Variants in RAD17 observed in about 807,000 individuals in gnomAD.
RAD17 encodes RAD17 checkpoint clamp loader component.
RAD17 carries 31 observed loss-of-function variants against 81.5 expected under a neutral mutation model. The ratio of observed to expected loss-of-function variants is 0.38; its 90% CI spans 0.29 to 0.51. The LOEUF is 0.51. Among genes scored for constraint, RAD17 ranks in the 20% least tolerant of loss-of-function variants. The pLI, the probability that RAD17 is intolerant of heterozygous loss-of-function variation, is 0.88. For synonymous variants in RAD17, 261 were observed against 266.2 expected (o/e 0.98, Z 0.19); for missense variants, 681 against 781.2 (o/e 0.87, Z 1.53).
intron 17 of RAD17, among the ~76,000 whole-genome samples, chr5:69,402,837 A>T (rs1765360585): frequency 6.6e-6 from 1 of 152,124 alleles, no homozygotes; most frequent in South Asian, 2.1e-4. Context: ...AGTAAATTGC[A>T]GGCATGATAT....
intron 5 of RAD17, 37 bp downstream of exon 5, chr5:69,374,124 A>T: frequency 6.4e-7 from 1 of 1,556,206 alleles, no homozygotes. Context: ...ACATAATTTA[A>T]TTTCAGGGTG....
chr5:69,381,858 C>G, intron 6 of RAD17, 43 bp from the exon 7 acceptor site: 1 of 1,351,398 alleles, frequency 7.4e-7, no homozygotes, highest in Non-Finnish European at 1.0e-6. Flanking sequence ...TTCTAGCATT[C>G]CAGTGATTTT....
At chr5:69,391,390 GA>G (rs1764549716) in intron 12 of RAD17, among the ~76,000 whole-genome samples, 1 of 152,162 alleles carries the variant, frequency 6.6e-6, no homozygotes, top group African/African-American at 2.4e-5. Context: ...TTTGGGAATA[GA>G]AGGATTGCAG....
At chr5:69,377,437 GTGTATATATATATA>G (rs1388185059) in intron 6 of RAD17, among the ~76,000 whole-genome samples, 518 of 25,756 alleles carry the variant, frequency 0.02, 9 homozygotes, top group Admixed American at 0.036. Flanking sequence ...GTGTGTGTGT[GTGTATATATATATA>G]TATATATATA....
Position 69,414,546 on chromosome 5 carries a change from A to T in RAD17, c.*254A>T. 1.9e-6 allele frequency: 1 copy of T among 535,902 alleles called. No homozygotes were observed. Among genetic ancestry groups the T allele is most frequent in the East Asian group, 3.1e-5 (1 of 31,882 alleles). 33.2% of individuals were successfully genotyped at this position (535,902 alleles called of 1,614,324 possible). On this transcript the variant is annotated 3_prime_UTR_variant, in exon 19 of 19. Coordinates refer to ENST00000354868, the MANE Select transcript of RAD17 (RefSeq NM_133338.3). ...GGTTTAAGGAGCGGTCAGTGTGTAT[A>T]AAGTGTGTTTGAACATTATGCCAAA...
intron 18 of RAD17, among the ~76,000 whole-genome samples, chr5:69,412,471 A>G (rs2150897787): frequency 6.6e-6 from 1 of 152,244 alleles, no homozygotes; most frequent in Non-Finnish European, 1.5e-5. Context: ...AGCCTTATAG[A>G]TAAGTCATCA....
At position 69,414,074 on chromosome 5, in the gene RAD17, G is replaced by C; in HGVS notation, c.1795G>C (p.Asp599His). The C allele has an allele frequency of 1.2e-6, 2 of 1,614,200 alleles. No individual in the cohort carries two copies. The highest frequency in any genetic ancestry group is 1.1e-5 in the South Asian group (1 of 91,088). Reference sequence around the variant, plus strand: ...GACTGACAGGGAACATGGAATGATAGACCCTGACAGCGGAGATGAAGCCCA... The same window carrying C: ...GACTGACAGGGAACATGGAATGATACACCCTGACAGCGGAGATGAAGCCCA... Reference protein sequence around the residue: ...ALTDREHGMIDPDSGDEAQLN... With the variant: ...ALTDREHGMIHPDSGDEAQLN... The change falls in exon 19 of 19, where the codon GAC becomes CAC. Residue 599 changes from aspartate to histidine, a missense_variant. Coordinates refer to ENST00000354868, the MANE Select transcript of RAD17 (RefSeq NM_133338.3).
intron 11 of RAD17, 56 bp downstream of exon 11, chr5:69,386,521 T>A (rs1458046213): frequency 1.4e-6 from 2 of 1,455,092 alleles, no homozygotes; most frequent in Non-Finnish European, 1.8e-6. Context: ...CTAGCTTAAA[T>A]AGTATTATGT....
intron 6 of RAD17, among the ~76,000 whole-genome samples, chr5:69,379,344 G>GT (rs953887282): frequency 6.6e-6 from 1 of 152,294 alleles, no homozygotes; most frequent in African/African-American, 2.4e-5. Context: ...CTGGAAAATG[G>GT]TTAAGTCAGT....
rs757709055 is a variant in RAD17 at position 69,374,028 on chromosome 5, T to C, written c.208T>C (p.Ser70Pro). The C allele has an allele frequency of 1.4e-5, 22 of 1,611,040 alleles. No individual in the cohort carries two copies. Among genetic ancestry groups the C allele is most frequent in the Non-Finnish European group, 1.9e-5 (22 of 1,178,118 alleles). Reference protein sequence around the residue: ...SLEQIYGLENSKEYLSENEPW... With the variant: ...SLEQIYGLENPKEYLSENEPW... The stretch of plus-strand genomic sequence containing the variant: ...AGAACAGATTTATGGTTTAGAAAAT[T>C]CAAAAGAATATCTGTCTGAAAATGA... The change falls in exon 5 of 19, where the codon TCA becomes CCA. Residue 70 changes from serine to proline, a missense_variant. By Grantham distance (74) the Ser-to-Pro change is moderately conservative (BLOSUM62 -1). Coordinates refer to ENST00000354868, the MANE Select transcript of RAD17 (RefSeq NM_133338.3).
intron 5 of RAD17, 54 bp from the exon 6 acceptor site, chr5:69,374,574 C>T: frequency 3.7e-6 from 5 of 1,351,400 alleles, no homozygotes; most frequent in Non-Finnish European, 4.2e-6. Flanking sequence ...TGCTGATGTA[C>T]CAAAAAATCT....
chr5:69,373,299 G>A (rs1029092016), intron 4 of RAD17, among the ~76,000 whole-genome samples: 1 of 152,072 alleles, frequency 6.6e-6, no homozygotes, highest in African/African-American at 2.4e-5. Context: ...AAATAAGTTT[G>A]TGTTCTTTAC....
intron 11 of RAD17, among the ~76,000 whole-genome samples, 176 bp downstream of exon 11, chr5:69,386,641 A>G (rs528310439): frequency 3.4e-4 from 51 of 152,058 alleles, no homozygotes; most frequent in Non-Finnish European, 6.0e-4. Flanking sequence ...AATCTTTAAC[A>G]TTTTTCTACT....
In RAD17 at chr5:69,373,896, G is replaced by T; in HGVS notation, c.76G>T (p.Ala26Ser). The T allele has an allele frequency of 6.2e-7, 1 of 1,608,934 alleles. No individual in the cohort carries two copies. The highest frequency in any genetic ancestry group is 1.1e-5 in the South Asian group (1 of 90,956). Residue 26 changes from alanine to serine, a missense_variant, in exon 5 of 19, where the codon GCC becomes TCC. Physicochemically the swap from Ala to Ser is moderately conservative, Grantham distance 99. Transcript: ENST00000354868. ...LECSGVSTIT[A>S]TSLGVNNSSH... ...GTGTAGTGGCGTCTCTACTATTACT[G>T]CCACATCATTAGGTGTGAATAACTC... is the stretch of plus-strand genomic sequence containing the variant.
At chr5:69,397,063 A>T (rs769539650) in intron 16 of RAD17, among the ~76,000 whole-genome samples, 8 of 152,094 alleles carry the variant, frequency 5.3e-5, no homozygotes, top group Non-Finnish European at 1.0e-4. Flanking sequence ...CGATCTTTGG[A>T]CCTCATGATC....
chr5:69,373,710 T>TAGTTTTAAAGGTTATAAA, intron 4 of RAD17, 120 bp from the exon 5 acceptor site: 2 of 495,420 alleles, frequency 4.0e-6, no homozygotes, highest in Non-Finnish European at 5.8e-6. Context: ...TTTTTTTTTT[T>TAGTTTTAAAGGTTATAAA]TTTTTTAAGT....
chr5:69,377,032 G>A (rs538434400), intron 6 of RAD17, among the ~76,000 whole-genome samples: 4 of 152,236 alleles, frequency 2.6e-5, no homozygotes, highest in African/African-American at 9.6e-5. Flanking sequence ...GGGATTGCAG[G>A]TGTGAGTCAT....
At position 69,386,065 on chromosome 5, in the gene RAD17, G is replaced by A. The variant is rs565819656; in HGVS notation, c.668G>A (p.Arg223Gln). 6.9e-6 allele frequency: 11 copies of A among 1,589,186 alleles called. No homozygotes were observed. Among genetic ancestry groups the A allele is most frequent in the African/African-American group, 4.0e-5 (3 of 74,308 alleles). ...TAGGATTTACCTAACCAGTTTTATC[G>A]GGATTCTCATACTTTACATGAAGTT... ...LVEDLPNQFY[R>Q]DSHTLHEVLR... Residue 223 changes from arginine (R) to glutamine (Q), a missense_variant, in exon 9 of 19, where the codon CGG becomes CAG. Coordinates refer to ENST00000354868, the MANE Select transcript of RAD17 (RefSeq NM_133338.3).
chr5:69,411,423 T>A (rs1765991560), intron 18 of RAD17, among the ~76,000 whole-genome samples: 1 of 151,896 alleles, frequency 6.6e-6, no homozygotes, highest in East Asian at 1.9e-4. Flanking sequence ...AAAAAAAGAT[T>A]TAAAAAAATC....
Sources: gnomAD v4.1 joint callset for allele counts (sites outside exome capture counted in the v4.1 genomes callset) on GRCh38, gnomAD v4.1.1 for gene constraint, MANE v1.5 for transcripts, NCBI Gene and HGNC (gene_info 2026-07-23, HGNC 2026-07-21) for gene names.